Variants in PTPRB observed in about 807,000 individuals in gnomAD.
The protein encoded by PTPRB is receptor-type tyrosine-protein phosphatase beta.
In PTPRB, 97 loss-of-function variants were observed where a neutral mutation model predicts 238.1. The ratio of observed to expected loss-of-function variants is 0.41; its 90% CI spans 0.35 to 0.48. PTPRB has a LOEUF of 0.48. PTPRB is among the 20% of genes least tolerant of loss of function. The pLI is 0.30. For missense variants in PTPRB, 2,292 were observed against 2,681.9 expected, an observed-to-expected ratio of 0.85 and a Z score of 3.21; for synonymous variants, 970 against 995.4, an observed-to-expected ratio of 0.97 and a Z score of 0.48.
intron 32 of PTPRB, among the ~76,000 whole-genome samples, chr12:70,528,988 G>A (rs445400): frequency 0.43 from 65,654 of 151,574 alleles, 16,525 homozygotes; most frequent in African/African-American, 0.7. Context: ...TCTGGTAGGC[G>A]GGCATTTACA....
rs201154918 is a variant in PTPRB at position 70,623,928 on chromosome 12, G to A, written c.452-1282C>T. ...CATTTCGTATGATAATGGATGTAAA[G>A]AGGAGGGCGATGAGGGCACAAAAAG... On this transcript the variant is annotated intron_variant, in intron 2 of 33. Coordinates refer to ENST00000334414, the MANE Select transcript of PTPRB (RefSeq NM_001109754.4). Among the ~76,000 whole-genome samples the A allele has an allele frequency of 3.9e-5, 6 of 152,230 alleles. No homozygotes were observed. In the East Asian group the frequency reaches 9.6e-4, roughly 24 times the overall value.
At chr12:70,540,240 T>C in intron 23 of PTPRB, 1 of 464,224 alleles carries the variant, frequency 2.2e-6, no homozygotes, top group Non-Finnish European at 3.8e-6. Context: ...TGAAGATTTG[T>C]CTCCTGGTTT....
At chr12:70,550,051 G>A (rs1002677563) in intron 21 of PTPRB, among the ~76,000 whole-genome samples, 2 of 152,194 alleles carry the variant, frequency 1.3e-5, no homozygotes, top group African/African-American at 4.8e-5. Flanking sequence ...AGTAAAGAGG[G>A]CAGGTAATTC....
chr12:70,606,616 G>A (rs1009023506), intron 4 of PTPRB, among the ~76,000 whole-genome samples: 1 of 152,156 alleles, frequency 6.6e-6, no homozygotes, highest in Non-Finnish European at 1.5e-5. Context: ...TTTGAAGTTT[G>A]TCTGAGTTTG....
intron 2 of PTPRB, among the ~76,000 whole-genome samples, chr12:70,631,489 T>G (rs142720904): frequency 2.0e-5 from 3 of 151,942 alleles, no homozygotes; most frequent in Non-Finnish European, 2.9e-5. Context: ...GAAGAAAACC[T>G]AGGCAATACC....
At chr12:70,605,981 C>G (rs992031181) in intron 4 of PTPRB, among the ~76,000 whole-genome samples, 4 of 152,156 alleles carry the variant, frequency 2.6e-5, no homozygotes, top group African/African-American at 9.7e-5. Flanking sequence ...TGAGTTCACA[C>G]TAAATACTTT....
At position 70,559,369 on chromosome 12, in the gene PTPRB, T is replaced by G. The variant is rs1338605562; in HGVS notation, c.4688A>C (p.Lys1563Thr). 1 of 1,613,792 alleles carries G rather than the reference T, an allele frequency of 6.2e-7. No individual in the cohort carries two copies. Among genetic ancestry groups the G allele is most frequent in the Non-Finnish European group, 8.5e-7 (1 of 1,179,688 alleles). The change falls in exon 18 of 34, where the codon AAA becomes ACA. Residue 1563 changes from lysine (K) to threonine (T), a missense_variant. Transcript: ENST00000334414. ...VSGDSWKTYS[K>T]PIFGSVRTKP... ...TGTCCTCACAGATCCAAAAATTGGT[T>G]TGCTGTAAGTTTTCCAGGAATCACC...
intron 8 of PTPRB, 127 bp from the exon 9 acceptor site, chr12:70,587,394 T>G: frequency 8.7e-7 from 1 of 1,153,164 alleles, no homozygotes; most frequent in Non-Finnish European, 1.2e-6. Flanking sequence ...TGAATGTCTC[T>G]GAGCATTAAA....
At chr12:70,594,319 T>G in intron 6 of PTPRB, 148 bp downstream of exon 6, 1 of 1,144,548 alleles carries the variant, frequency 8.7e-7, no homozygotes, top group Non-Finnish European at 1.2e-6. Context: ...TCCTTCTTTT[T>G]CTGAGTAGAA....
At chr12:70,586,150 T>C (rs564477852) in intron 9 of PTPRB, among the ~76,000 whole-genome samples, 68 of 152,336 alleles carry the variant, frequency 4.5e-4, no homozygotes, top group African/African-American at 1.6e-3. Context: ...TATAATCTTT[T>C]GGGTATATAC....
intron 32 of PTPRB, chr12:70,527,846 C>G (rs2136209522): frequency 6.6e-6 from 1 of 152,346 alleles, no homozygotes; most frequent in African/African-American, 2.4e-5. Context: ...AGCCACAGAT[C>G]ACACCCCTCT....
chr12:70,585,103 G>C (rs2136436486), intron 9 of PTPRB: 1 of 151,838 alleles, frequency 6.6e-6, no homozygotes, highest in Admixed American at 6.6e-5. Context: ...TGGGATTACA[G>C]GTATGTGCCA....
chr12:70,613,277 C>A (rs1884540843), intron 3 of PTPRB, among the ~76,000 whole-genome samples: 1 of 151,990 alleles, frequency 6.6e-6, no homozygotes, highest in South Asian at 2.1e-4. Context: ...CTGCCCATTT[C>A]TTTCCTCCCT....
intron 8 of PTPRB, among the ~76,000 whole-genome samples, chr12:70,587,745 G>T (rs907973487): frequency 1.3e-5 from 2 of 152,030 alleles, no homozygotes; most frequent in African/African-American, 4.8e-5. Context: ...TTTAATTGAG[G>T]ACTTATCTCA....
At chr12:70,568,488 G>A (rs548270476) in intron 14 of PTPRB, among the ~76,000 whole-genome samples, 1,898 of 152,088 alleles carry the variant, frequency 0.012, 38 homozygotes, top group African/African-American at 0.042. Context: ...TAGTAGAGAC[G>A]GGGTTTCACC....
intron 20 of PTPRB, among the ~76,000 whole-genome samples, chr12:70,553,867 A>T (rs1341401179): frequency 1.3e-5 from 2 of 152,246 alleles, no homozygotes; most frequent in Non-Finnish European, 2.9e-5. Context: ...AATGGCGTTT[A>T]TATGAGATGG....
intron 25 of PTPRB, 47 bp downstream of exon 25, chr12:70,539,780 T>C: frequency 6.3e-7 from 1 of 1,597,590 alleles, no homozygotes; most frequent in Non-Finnish European, 8.6e-7. Context: ...TTCTGACTCA[T>C]ATTTCAAAGG....
In PTPRB at chr12:70,581,137, T is replaced by C. The variant is rs1474978922; in HGVS notation, c.2477A>G (p.Tyr826Cys). The stretch of plus-strand genomic sequence containing the variant: ...GCCGGACTTGAGAGAGTGGAAGCTG[T>C]ATCTGCTGGTCTCACTGGAGATGCT... ...NESISSETSR[Y>C]SFHSLKSGSL... is the part of the protein sequence containing the mutation. Residue 826 changes from tyrosine to cysteine, a missense_variant, in exon 10 of 34, where the codon TAC becomes TGC. By Grantham distance (194) the Tyr-to-Cys change is radical. Around this residue, in one of 4 missense-constraint regions of PTPRB, gnomAD observed 1,205 missense variants for 1,287.8 expected, o/e 0.94. Transcript: ENST00000334414. 4 of 1,614,016 alleles carry C rather than the reference T, an allele frequency of 2.5e-6. No individual in the cohort carries two copies. Among genetic ancestry groups the C allele is most frequent in the Non-Finnish European group, 3.4e-6 (4 of 1,179,888 alleles).
At chr12:70,564,084 C>G (rs985094985) in intron 15 of PTPRB, among the ~76,000 whole-genome samples, 1 of 152,156 alleles carries the variant, frequency 6.6e-6, no homozygotes, top group Non-Finnish European at 1.5e-5. Flanking sequence ...AGACACACAC[C>G]CACTCAAGGT....
Sources: gnomAD v4.1 joint callset for allele counts (sites outside exome capture counted in the v4.1 genomes callset) on GRCh38, gnomAD v4.1.1 for gene constraint, gnomAD v4.1.1 regional missense constraint, MANE v1.5 for transcripts, NCBI Gene and HGNC (gene_info 2026-07-23, HGNC 2026-07-21) for gene names.